CHST9: variants seen among roughly 807,000 people sequenced by gnomAD.
The protein encoded by CHST9 is carbohydrate sulfotransferase 9, also known as GalNAc-4-sulfotransferase 2.
In CHST9, 41 loss-of-function variants were observed where a neutral mutation model predicts 44.4. The observed-to-expected ratio is 0.92, with a 90% CI of 0.72 to 1.20. The LOEUF is 1.20. CHST9 is among the 50% of genes most tolerant of loss of function. The probability of loss-of-function intolerance (pLI) is 0.00; values close to 1 mark genes in which losing one functional copy is unlikely to be tolerated. For missense variants in CHST9, 504 were observed against 516.5 expected, an observed-to-expected ratio of 0.98 and a Z score of 0.23; for synonymous variants, 171 against 178.4, an observed-to-expected ratio of 0.96 and a Z score of 0.33.
chr18:26,931,233 T>C (rs2055873173), intron 5 of CHST9, among the ~76,000 whole-genome samples: 1 of 152,222 alleles, frequency 6.6e-6, no homozygotes, highest in African/African-American at 2.4e-5. Flanking sequence ...TTCTGTAATC[T>C]GCACCTTGGG....
At position 26,916,576 on chromosome 18, in the gene CHST9, C is replaced by T; in HGVS notation, c.1015G>A (p.Asp339Asn). The T allele has an allele frequency of 1.2e-6, 2 of 1,613,782 alleles. No individual in the cohort carries two copies. Among genetic ancestry groups the T allele is most frequent in the Non-Finnish European group, 8.5e-7 (1 of 1,179,716 alleles). Residue 339 changes from aspartate (D) to asparagine (N), a missense_variant, in exon 6 of 6, where the codon GAT becomes AAT. Coordinates refer to ENST00000618847, the MANE Select transcript of CHST9 (RefSeq NM_031422.6). ...KFKEFIHYLL[D>N]SHRPVGMDIH... ...TCCATTCCTACTGGACGGTGGGAAT[C>T]CAGCAAGTAGTGGATAAACTCTTTG...
At chr18:27,102,696 G>A (rs564405877) in intron 2 of CHST9, among the ~76,000 whole-genome samples, 1 of 152,200 alleles carries the variant, frequency 6.6e-6, no homozygotes, top group South Asian at 2.1e-4. Context: ...GGTTCCTTTG[G>A]GACATACTTG....
intron 4 of CHST9, among the ~76,000 whole-genome samples, chr18:26,971,594 C>T (rs2145170876): frequency 6.6e-6 from 1 of 152,354 alleles, no homozygotes; most frequent in South Asian, 2.1e-4. Flanking sequence ...GGAGCAAGCC[C>T]AGTGGAGCAG....
intron 4 of CHST9, among the ~76,000 whole-genome samples, chr18:27,005,169 A>G (rs961087242): frequency 1.3e-5 from 2 of 152,210 alleles, no homozygotes; most frequent in Admixed American, 1.3e-4. Flanking sequence ...ATATGGGCAT[A>G]TTATGTAATT....
intron 2 of CHST9, among the ~76,000 whole-genome samples, chr18:27,115,172 C>T (rs2058309497): frequency 6.6e-6 from 1 of 152,118 alleles, no homozygotes; most frequent in Non-Finnish European, 1.5e-5. Context: ...TCAATTAAAC[C>T]TCTTTCCTTT....
intron 2 of CHST9, among the ~76,000 whole-genome samples, chr18:27,132,198 A>T (rs563054479): frequency 6.6e-6 from 1 of 152,326 alleles, no homozygotes; most frequent in East Asian, 1.9e-4. Flanking sequence ...TGATAGTCAC[A>T]TAAAATTTAA....
intron 2 of CHST9, among the ~76,000 whole-genome samples, chr18:27,133,603 G>C (rs1328618019): frequency 2.0e-5 from 3 of 152,164 alleles, no homozygotes; most frequent in Admixed American, 1.3e-4. Context: ...CTGCCCTCAG[G>C]AAGCCTCCAT....
chr18:26,973,850 A>G lies in CHST9; in HGVS notation c.203-29484T>C, dbSNP rs2056584229. The stretch of plus-strand genomic sequence containing the variant: ...TTTTAACCTTGGTGCCTACGGGCTC[A>G]AGGAATATTTTATTGCACCAAACTA... On this transcript the variant is annotated intron_variant, in intron 4 of 5. Coordinates refer to ENST00000618847, the MANE Select transcript of CHST9 (RefSeq NM_031422.6). 7.2e-5 allele frequency among the ~76,000 whole-genome samples: 11 copies of G among 152,320 alleles called. No homozygotes were observed. The South Asian group carries it at 2.1e-3, about 29-fold the overall frequency.
rs1598648134 is a variant in CHST9, at chr18:27,023,991, A to G, written c.202+125T>C. On this transcript the variant is annotated intron_variant, in intron 4 of 5. Coordinates refer to ENST00000618847, the MANE Select transcript of CHST9 (RefSeq NM_031422.6). Reference sequence around the variant, plus strand: ...AAATGCCACCTAGGCAGTGCTTCCTAGGGATGGCTATCATCAGCAGAACAG... The same window carrying G: ...AAATGCCACCTAGGCAGTGCTTCCTGGGGATGGCTATCATCAGCAGAACAG... The G allele has an allele frequency of 2.1e-5, 19 of 908,880 alleles. No individual in the cohort carries two copies. The East Asian group carries it at 4.8e-4, about 23-fold the overall frequency. The allele number at this position is 908,880 out of a possible 1,614,324, so 56.3% of individuals were successfully genotyped here.
chr18:27,177,831 TTCCACAATC>T (rs2058880843), intron 1 of CHST9, among the ~76,000 whole-genome samples: 2 of 152,006 alleles, frequency 1.3e-5, no homozygotes, highest in Non-Finnish European at 2.9e-5. Flanking sequence ...AGGGTTTTAC[TTCCACAATC>T]TTTCCCTCTA....
intron 4 of CHST9, chr18:26,952,088 G>A (rs866692714): frequency 5.5e-5 from 22 of 400,332 alleles, no homozygotes; most frequent in African/African-American, 3.6e-4. Context: ...AAAAGACAGA[G>A]CAATACTCGA....
intron 1 of CHST9, chr18:27,143,142 G>T (rs1282037538): frequency 6.3e-6 from 1 of 158,026 alleles, no homozygotes; most frequent in Admixed American, 6.5e-5. Context: ...CATTTAGTTA[G>T]GCAAAGTCTG....
intron 5 of CHST9, chr18:26,934,132 A>G (rs1598571082): frequency 6.6e-6 from 1 of 152,558 alleles, no homozygotes; most frequent in Admixed American, 6.5e-5. Context: ...ACCACACCGT[A>G]TAGGAATATC....
At chr18:27,069,867 G>C (rs2057820913) in intron 2 of CHST9, among the ~76,000 whole-genome samples, 1 of 152,088 alleles carries the variant, frequency 6.6e-6, no homozygotes, top group East Asian at 1.9e-4. Flanking sequence ...AGTAAACCAA[G>C]CAGCAGCAGT....
chr18:27,095,113 C>T (rs1420617993), intron 2 of CHST9, among the ~76,000 whole-genome samples: 8 of 151,998 alleles, frequency 5.3e-5, no homozygotes, highest in South Asian at 4.1e-4. Context: ...TTTTCCAGGA[C>T]GTATAAAATG....
chr18:27,023,754 T>C (rs969142942), intron 4 of CHST9, among the ~76,000 whole-genome samples: 5 of 152,214 alleles, frequency 3.3e-5, no homozygotes, highest in East Asian at 1.9e-4. Flanking sequence ...CTTTAAACAA[T>C]AGACTACAGT....
intron 3 of CHST9, among the ~76,000 whole-genome samples, chr18:27,025,937 A>C (rs2057280554): frequency 6.6e-6 from 1 of 152,186 alleles, no homozygotes; most frequent in Admixed American, 6.5e-5. Flanking sequence ...AAGGAAGTTA[A>C]ATTGGTGTGG....
In CHST9 at chr18:26,907,998, TG is replaced by T; in HGVS notation, c.*8260del. ...AAGGTAGAATGATGGTTGCCAGAAC[TG>T]GGGGAGGGCAAAAAGTGAAGTTGTT... On this transcript the variant is annotated 3_prime_UTR_variant, in exon 6 of 6. Transcript: ENST00000618847. The T allele has an allele frequency of 6.4e-6, 1 of 155,498 alleles. No individual in the cohort carries two copies. The highest frequency in any genetic ancestry group is 1.4e-5 in the Non-Finnish European group (1 of 69,910). 9.6% of individuals were successfully genotyped at this position (155,498 alleles called of 1,614,324 possible).
At chr18:26,960,383 C>A (rs1190907850) in intron 4 of CHST9, among the ~76,000 whole-genome samples, 3 of 152,230 alleles carry the variant, frequency 2.0e-5, no homozygotes, top group Non-Finnish European at 4.4e-5. Context: ...GAGACTCCTT[C>A]TCTAAGCTAC....
Sources: gnomAD v4.1 joint callset for allele counts (sites outside exome capture counted in the v4.1 genomes callset) on GRCh38, gnomAD v4.1.1 for gene constraint, MANE v1.5 for transcripts, NCBI Gene and HGNC (gene_info 2026-07-23, HGNC 2026-07-21) for gene names.